Variants in TBCE observed in about 807,000 individuals in gnomAD.
TBCE encodes tubulin folding cofactor E, also known as tubulin-specific chaperone E.
Under a neutral mutation model 77.0 loss-of-function variants are expected in TBCE, and 53 were observed. The observed-to-expected ratio is 0.69, with a 90% CI of 0.55 to 0.87. The LOEUF (loss-of-function observed/expected upper bound fraction) is 0.87. Ranked by LOEUF, TBCE falls within the 40% of genes least tolerant of loss-of-function variation. TBCE has a pLI of 0.00. For synonymous variants in TBCE, 235 were observed against 241.3 expected, an observed-to-expected ratio of 0.97 and a Z score of 0.24; for missense variants, 624 against 622.4, an observed-to-expected ratio of 1.00 and a Z score of -0.03.
chr1:235,418,483 A>G (rs376637750), intron 4 of TBCE: 36 of 152,344 alleles, frequency 2.4e-4, no homozygotes, highest in African/African-American at 8.4e-4. Flanking sequence ...AAGATTCTCT[A>G]CACTTAACAA....
At chr1:235,413,077 A>G (rs571367338) in intron 3 of TBCE, among the ~76,000 whole-genome samples, 1 of 152,334 alleles carries the variant, frequency 6.6e-6, no homozygotes, top group South Asian at 2.1e-4. Context: ...TGCTGGGATT[A>G]TAGGCATGAG....
chr1:235,436,610 T>G lies in TBCE; in HGVS notation c.963+2T>G, dbSNP rs1280565673. On this transcript the variant is annotated splice_donor_variant, in intron 11 of 16. Transcript: ENST00000642610. LOFTEE classifies it high-confidence loss of function. ...GTAAACGACAATCAGATATCACAAG[T>G]AAGAGCTGCTCGGAGTATGCCCAGC... The G allele has an allele frequency of 5.0e-6, 8 of 1,613,088 alleles. No individual in the cohort carries two copies. Among genetic ancestry groups the G allele is most frequent in the Non-Finnish European group, 6.8e-6 (8 of 1,179,032 alleles).
intron 8 of TBCE, 26 bp downstream of exon 8, chr1:235,434,306 C>T: frequency 6.4e-7 from 1 of 1,554,452 alleles, no homozygotes; most frequent in Non-Finnish European, 8.9e-7. Flanking sequence ...TTAAATGCAT[C>T]TATCCCCATT....
At chr1:235,368,153 G>A (rs954413069) in intron 1 of TBCE, among the ~76,000 whole-genome samples, 6 of 152,250 alleles carry the variant, frequency 3.9e-5, no homozygotes, top group African/African-American at 1.4e-4. Context: ...TGATCCACCC[G>A]CCTCGGCCTC....
At chr1:235,371,982 A>G (rs1676995043) in intron 1 of TBCE, among the ~76,000 whole-genome samples, 2 of 147,552 alleles carry the variant, frequency 1.4e-5, no homozygotes, top group African/African-American at 5.0e-5. Context: ...CCTTTTTTTC[A>G]TTTTTTCATT....
At chr1:235,412,989 G>A (rs1679899390) in intron 3 of TBCE, among the ~76,000 whole-genome samples, 1 of 151,934 alleles carries the variant, frequency 6.6e-6, no homozygotes, top group East Asian at 2.0e-4. Context: ...TTTTAGTAGA[G>A]ATGGGGTTTC....
chr1:235,371,191 G>C (rs1354350264), intron 1 of TBCE, among the ~76,000 whole-genome samples: 1 of 150,424 alleles, frequency 6.6e-6, no homozygotes, highest in Non-Finnish European at 1.5e-5. Flanking sequence ...TCAGTAGCTG[G>C]GATTACAGGC....
intron 15 of TBCE, among the ~76,000 whole-genome samples, chr1:235,443,786 A>C (rs937253068): frequency 3.9e-5 from 6 of 152,214 alleles, no homozygotes; most frequent in African/African-American, 7.2e-5. Flanking sequence ...TCTTTGAGAA[A>C]GCTACCTTAG....
Position 235,434,190 on chromosome 1 carries a change from A to G in TBCE, c.661-14A>G. 1 of 1,613,958 alleles carries G rather than the reference A, an allele frequency of 6.2e-7. No individual in the cohort carries two copies. On this transcript the variant is annotated splice_polypyrimidine_tract_variant and intron_variant, in intron 7 of 16. Transcript: ENST00000642610. ...GCAGAGGCCGCCTGAGCCTGAACCG[A>G]GTTTCTCTTCCAGGTGCTGCGGTGT... is the stretch of plus-strand genomic sequence containing the variant.
Position 235,436,552 on chromosome 1 carries a change from AC to A in TBCE, c.908del (p.Thr303SerfsTer7). ...CATTCCTCTTTTTATAGGGTGCAAA[AC>A]GTCCATGTTCCCATCCTTGAAGTAC... Reference protein sequence around the residue: ...HFPDAGIGCKTSMFPSLKYLV... With the variant: ...HFPDAGIGCKXSMFPSLKYLV... On this transcript the variant is annotated frameshift_variant, in exon 11 of 17. Transcript: ENST00000642610. LOFTEE classifies it high-confidence loss of function. 1 of 1,613,874 alleles carries A rather than the reference AC, an allele frequency of 6.2e-7. No homozygotes were observed. Among genetic ancestry groups the A allele is most frequent in the Non-Finnish European group, 8.5e-7 (1 of 1,179,888 alleles).
chr1:235,414,656 G>A, intron 4 of TBCE, 38 bp downstream of exon 4: 1 of 1,600,018 alleles, frequency 6.2e-7, no homozygotes. Flanking sequence ...GACTTTTATG[G>A]TTTTATTAAG....
rs560875308 is a variant in TBCE at position 235,414,900 on chromosome 1, A to G, written c.371+282A>G. The G allele has an allele frequency of 7.7e-6, 3 of 390,066 alleles. No homozygotes were observed. In the Middle Eastern group the frequency reaches 2.5e-3, roughly 325 times the overall value. 24.2% of individuals were successfully genotyped at this position (390,066 alleles called of 1,614,324 possible). A position where few individuals can be genotyped will look rare whatever the true frequency, so the allele number is the denominator to read the frequency against. On this transcript the variant is annotated intron_variant, in intron 4 of 16. Transcript: ENST00000642610. ...TTATCTCGTGTTGACTAAGTAACCAAGGCTGACGTTTGGGTTCTTTTCTAT... is the reference window on the plus strand; with the variant it reads ...TTATCTCGTGTTGACTAAGTAACCAGGGCTGACGTTTGGGTTCTTTTCTAT...
intron 2 of TBCE, among the ~76,000 whole-genome samples, chr1:235,388,414 G>A (rs1367511820): frequency 1.3e-5 from 2 of 150,012 alleles, no homozygotes; most frequent in African/African-American, 2.5e-5. Context: ...TCAGCCTCCC[G>A]AGTAGCTGGG....
intron 2 of TBCE, among the ~76,000 whole-genome samples, chr1:235,394,684 G>GT (rs747079773): frequency 1.3e-5 from 2 of 151,856 alleles, no homozygotes; most frequent in Non-Finnish European, 2.9e-5. Flanking sequence ...GCCTCCCAAA[G>GT]TGCTGGGATT....
chr1:235,401,622 G>C (rs1359710302), intron 3 of TBCE, 35 bp downstream of exon 3: 5 of 1,535,374 alleles, frequency 3.3e-6, no homozygotes, highest in Admixed American at 1.7e-5. Context: ...CGGTCATTTA[G>C]TCAAGATTAT....
Position 235,448,824 on chromosome 1 carries a change from A to C in TBCE, c.*62A>C. ...TCGTGTCTGGGGTTCACCGGAAATA[A>C]ATGATTCACTGGAACAATTCTACTG... On this transcript the variant is annotated 3_prime_UTR_variant, in exon 17 of 17. Transcript: ENST00000642610. 1 of 1,203,666 alleles carries C rather than the reference A, an allele frequency of 8.3e-7. No individual in the cohort carries two copies. The highest frequency in any genetic ancestry group is 1.2e-6 in the Non-Finnish European group (1 of 813,854). 74.6% of individuals were successfully genotyped at this position (1,203,666 alleles called of 1,614,324 possible). A position where few individuals can be genotyped will look rare whatever the true frequency, so the allele number is the denominator to read the frequency against.
intron 12 of TBCE, among the ~76,000 whole-genome samples, chr1:235,437,800 A>G (rs1209226889): frequency 1.3e-5 from 2 of 151,736 alleles, no homozygotes; most frequent in African/African-American, 2.4e-5. Context: ...AGCCTGGGCA[A>G]TGGAGTGAGA....
At chr1:235,413,848 A>ATTTTTTTTTTTTTTTTTTTTTTT (rs781617014) in intron 3 of TBCE, 2 of 70,944 alleles carry the variant, frequency 2.8e-5, no homozygotes, top group Non-Finnish European at 2.5e-5. Flanking sequence ...TCCACCTACG[A>ATTTTTTTTTTTTTTTTTTTTTTT]TTTTTTTTTT....
At chr1:235,384,075 A>C (rs1677843811) in intron 2 of TBCE, among the ~76,000 whole-genome samples, 1 of 149,996 alleles carries the variant, frequency 6.7e-6, no homozygotes, top group Non-Finnish European at 1.5e-5. Context: ...TGAGATAATC[A>C]TGTGGTTTTT....
Sources: allele counts gnomAD v4.1 joint callset (sites outside exome capture counted in the v4.1 genomes callset), GRCh38; gene constraint gnomAD v4.1.1; transcripts MANE v1.5; gene names NCBI Gene and HGNC (gene_info 2026-07-23, HGNC 2026-07-21).